The following CLASP1 variants were observed in gnomAD, a reference collection of about 807,000 sequenced individuals.
CLASP1 encodes cytoplasmic linker associated protein 1.
A neutral mutation model predicts 192.3 loss-of-function variants in CLASP1; 38 were observed. The ratio of observed to expected loss-of-function variants is 0.20; its 90% confidence interval spans 0.15 to 0.26. The LOEUF is 0.26. CLASP1 is among the 10% of genes least tolerant of loss of function. The probability of loss-of-function intolerance (pLI) is 1.00; values close to 1 mark genes in which losing one functional copy is unlikely to be tolerated. For missense variants in CLASP1, 1,433 were observed against 1,932.5 expected, an observed-to-expected ratio of 0.74 and a Z score of 4.85; for synonymous variants, 691 against 712.8, an observed-to-expected ratio of 0.97 and a Z score of 0.49.
At chr2:121,359,171 T>G (rs1403690924) in intron 37 of CLASP1, among the ~76,000 whole-genome samples, 1 of 152,266 alleles carries the variant, frequency 6.6e-6, no homozygotes. Context: ...AACTATTTCC[T>G]GAGAAATGGG....
At chr2:121,582,420 AAG>A (rs1294332701) in intron 2 of CLASP1, among the ~76,000 whole-genome samples, 43 of 150,512 alleles carry the variant, frequency 2.9e-4, no homozygotes, top group Non-Finnish European at 2.1e-4. Flanking sequence ...AAGGAAGGAA[AAG>A]AGAGAAAAAG....
At chr2:121,490,424 C>T in intron 8 of CLASP1, 1 of 280,230 alleles carries the variant, frequency 3.6e-6, no homozygotes, top group South Asian at 3.1e-5. Flanking sequence ...AACTGCCACC[C>T]TATTCCAAAA....
chr2:121,523,150 C>T (rs904667046), intron 6 of CLASP1, among the ~76,000 whole-genome samples: 6 of 152,232 alleles, frequency 3.9e-5, no homozygotes, highest in Non-Finnish European at 8.8e-5. Context: ...ATGCCTTTAA[C>T]GTAGGTGTCT....
intron 39 of CLASP1, among the ~76,000 whole-genome samples, chr2:121,343,952 TC>T (rs2063107801): frequency 6.6e-6 from 1 of 151,974 alleles, no homozygotes; most frequent in East Asian, 1.9e-4. Flanking sequence ...GCGCCTATAA[TC>T]CCAGCTACTC....
intron 8 of CLASP1, among the ~76,000 whole-genome samples, chr2:121,479,005 A>ACACACACACACAC (rs2092322549): frequency 2.1e-5 from 1 of 48,322 alleles, no homozygotes; most frequent in African/African-American, 1.2e-4. Flanking sequence ...CACACACACC[A>ACACACACACACAC]CACACACACA....
chr2:121,416,248 C>T (rs2078553975), intron 23 of CLASP1, among the ~76,000 whole-genome samples: 1 of 152,160 alleles, frequency 6.6e-6, no homozygotes, highest in South Asian at 2.1e-4. Flanking sequence ...AAGGTAGACC[C>T]ACTTATGTGA....
chr2:121,446,748 T>A lies in CLASP1; in HGVS notation c.1912+589A>T, dbSNP rs529571704. ...GTTTTTAAAAAACTTTTTTGGGCAATCATCAGAGTAAGGGCATGCTCCTCC... is the reference window on the plus strand; with the variant it reads ...GTTTTTAAAAAACTTTTTTGGGCAAACATCAGAGTAAGGGCATGCTCCTCC... On this transcript the variant is annotated intron_variant, in intron 19 of 39. Coordinates refer to ENST00000263710, the Ensembl canonical transcript of CLASP1. Among the ~76,000 whole-genome samples, 4 of 152,312 alleles carry A rather than the reference T, an allele frequency of 2.6e-5. No homozygotes were observed. In the East Asian group the frequency reaches 7.7e-4, roughly 29 times the overall value.
intron 2 of CLASP1, among the ~76,000 whole-genome samples, chr2:121,538,182 G>C (rs1274926452): frequency 6.6e-6 from 1 of 152,158 alleles, no homozygotes; most frequent in Non-Finnish European, 1.5e-5. Flanking sequence ...GGGAGGCCAA[G>C]GCAGGTGGAT....
chr2:121,533,521 T>C (rs951972911), intron 2 of CLASP1, among the ~76,000 whole-genome samples: 1 of 152,194 alleles, frequency 6.6e-6, no homozygotes, highest in Non-Finnish European at 1.5e-5. Context: ...TACTTTTTTT[T>C]TCCCCCTATT....
At chr2:121,442,727 G>T (rs2083563528) in intron 19 of CLASP1, among the ~76,000 whole-genome samples, 1 of 152,054 alleles carries the variant, frequency 6.6e-6, no homozygotes, top group South Asian at 2.1e-4. Flanking sequence ...TGATTCACCT[G>T]CTTGGCCTCC....
chr2:121,520,431 C>A (rs935293717), intron 6 of CLASP1, among the ~76,000 whole-genome samples: 5 of 152,184 alleles, frequency 3.3e-5, no homozygotes, highest in Non-Finnish European at 5.9e-5. Context: ...ACAGCTGTGC[C>A]CAAGAGCCCA....
intron 8 of CLASP1, among the ~76,000 whole-genome samples, chr2:121,478,529 A>G (rs938879940): frequency 1.3e-5 from 2 of 151,568 alleles, no homozygotes; most frequent in African/African-American, 4.9e-5. Flanking sequence ...TGAAGCCAGG[A>G]GGGGGAGGTT....
intron 2 of CLASP1, among the ~76,000 whole-genome samples, chr2:121,531,808 C>T (rs1251322671): frequency 6.6e-6 from 1 of 150,756 alleles, no homozygotes; most frequent in Non-Finnish European, 1.5e-5. Flanking sequence ...GCGGAGGTTG[C>T]AATGAGCCAA....
At chr2:121,435,393 G>A (rs1262144064) in intron 19 of CLASP1, among the ~76,000 whole-genome samples, 1 of 152,080 alleles carries the variant, frequency 6.6e-6, no homozygotes, top group Non-Finnish European at 1.5e-5. Flanking sequence ...TCCTGCCTCA[G>A]CCTCCCGAGT....
At chr2:121,478,830 C>CCACCCACCA (rs2092149217) in intron 8 of CLASP1, among the ~76,000 whole-genome samples, 1 of 59,788 alleles carries the variant, frequency 1.7e-5, no homozygotes, top group Non-Finnish European at 3.2e-5. Flanking sequence ...CAACCACACA[C>CCACCCACCA]CACACACCAC....
chr2:121,435,603 G>C (rs932261834), intron 19 of CLASP1, among the ~76,000 whole-genome samples: 17 of 152,050 alleles, frequency 1.1e-4, no homozygotes, highest in African/African-American at 2.4e-5. Flanking sequence ...GCATGCTTTT[G>C]TCTTGATTTT....
intron 8 of CLASP1, among the ~76,000 whole-genome samples, chr2:121,500,388 GAAAGAAAGA>G (rs1264181508): frequency 9.8e-5 from 11 of 112,044 alleles, no homozygotes; most frequent in South Asian, 2.8e-4. Flanking sequence ...AAGAAAGAAA[GAAAGAAAGA>G]AAAGAAAGAA....
chr2:121,511,847 A>G (rs986717820), intron 7 of CLASP1, among the ~76,000 whole-genome samples: 1 of 152,206 alleles, frequency 6.6e-6, no homozygotes, highest in Non-Finnish European at 1.5e-5. Context: ...ACAAATAACT[A>G]TGACAAAAAA....
chr2:121,402,519 C>T, intron 26 of CLASP1: 2 of 498,374 alleles, frequency 4.0e-6, no homozygotes, highest in Non-Finnish European at 8.0e-6. Flanking sequence ...AGGAAAAAGT[C>T]ATTCAGCTGT....
Sources: gnomAD v4.1 joint callset for allele counts (sites outside exome capture counted in the v4.1 genomes callset) on GRCh38, gnomAD v4.1.1 for gene constraint, MANE v1.5 for transcripts, NCBI Gene and HGNC (gene_info 2026-07-23, HGNC 2026-07-21) for gene names.